The following BICDL1 variants were observed in gnomAD, a reference collection of about 807,000 sequenced individuals.
BICDL1 encodes the protein BICD family-like cargo adapter 1.
A neutral mutation model predicts 76.8 loss-of-function variants in BICDL1; 20 were observed. The observed-to-expected ratio is 0.26, with a 90% confidence interval of 0.18 to 0.38. The LOEUF (loss-of-function observed/expected upper bound fraction) is 0.38, where lower values mean the gene tolerates loss of function less well. BICDL1 is among the 10% of genes least tolerant of loss of function. The pLI, the probability that BICDL1 is intolerant of heterozygous loss-of-function variation, is 1.00. For synonymous variants in BICDL1, 383 were observed against 337.1 expected (o/e 1.14, Z -1.49); for missense variants, 700 against 798.6 (o/e 0.88, Z 1.49).
At chr12:120,082,568 A>T (rs954673844) in intron 8 of BICDL1, among the ~76,000 whole-genome samples, 1 of 147,898 alleles carries the variant, frequency 6.8e-6, no homozygotes, top group Non-Finnish European at 1.5e-5. Context: ...AGGTCTTTTT[A>T]AAAATGTTTT....
chr12:120,066,599 C>T (rs763175828), intron 4 of BICDL1, among the ~76,000 whole-genome samples: 3 of 152,150 alleles, frequency 2.0e-5, no homozygotes, highest in Non-Finnish European at 4.4e-5. Flanking sequence ...TGTTGAACTT[C>T]AAGACTGAGA....
In BICDL1 at chr12:119,990,177, C is replaced by G. The variant is rs1196366288; in HGVS notation, c.309C>G (p.Ile103Met). 5 of 1,554,588 alleles carry G rather than the reference C, an allele frequency of 3.2e-6. No homozygotes were observed. Among genetic ancestry groups the G allele is most frequent in the Middle Eastern group, 1.7e-4 (1 of 5,994 alleles). Residue 103 changes from isoleucine to methionine, a missense_variant, in exon 1 of 10, where the codon ATC becomes ATG. Physicochemically the swap from Ile to Met is conservative, Grantham distance 10. Coordinates refer to ENST00000548673, the MANE Select transcript of BICDL1 (RefSeq NM_001367886.1). The stretch of plus-strand genomic sequence containing the variant: ...AGGACCCCGAGCTGCTGTCGGTGAT[C>G]CGACAGAAGGAGAAGGATCTGGTGT... ...PSQDPELLSV[I>M]RQKEKDLVLA...
At chr12:120,045,553 A>G (rs1299923686) in intron 2 of BICDL1, among the ~76,000 whole-genome samples, 1 of 152,112 alleles carries the variant, frequency 6.6e-6, no homozygotes, top group Non-Finnish European at 1.5e-5. Context: ...GATTAAGAAA[A>G]TGTGGCACAT....
intron 2 of BICDL1, among the ~76,000 whole-genome samples, chr12:120,060,830 T>C (rs1338653626): frequency 6.6e-6 from 1 of 152,208 alleles, no homozygotes; most frequent in East Asian, 1.9e-4. Flanking sequence ...CACTTCAACA[T>C]TATCACCATC....
chr12:120,014,994 C>T (rs1373692871), intron 2 of BICDL1, among the ~76,000 whole-genome samples: 2 of 152,014 alleles, frequency 1.3e-5, no homozygotes, highest in Non-Finnish European at 2.9e-5. Context: ...GGACTTTTAA[C>T]TGTCAGTGGG....
intron 2 of BICDL1, among the ~76,000 whole-genome samples, chr12:120,058,562 C>A (rs1249435757): frequency 2.6e-5 from 4 of 152,012 alleles, no homozygotes; most frequent in African/African-American, 9.6e-5. Context: ...CCTGATGGGC[C>A]AGCCCTACCT....
rs902535168 is a variant in BICDL1 at position 120,039,658 on chromosome 12, A to C, written c.646-22052A>C. ...GTCTCAAAAAAAAAAAAAAAAAAAA[A>C]AAGAAAAGGCTTCATGGAGGATGTA... On this transcript the variant is annotated intron_variant, in intron 2 of 9. Coordinates refer to ENST00000548673, the MANE Select transcript of BICDL1 (RefSeq NM_001367886.1). Among the ~76,000 whole-genome samples, 6 of 151,142 alleles carry C rather than the reference A, an allele frequency of 4.0e-5. No individual in the cohort carries two copies. In the South Asian group the frequency reaches 1.3e-3, roughly 32 times the overall value.
intron 5 of BICDL1, among the ~76,000 whole-genome samples, chr12:120,072,208 C>T (rs1278661573): frequency 6.6e-6 from 1 of 152,148 alleles, no homozygotes; most frequent in Non-Finnish European, 1.5e-5. Context: ...ACCATTCATT[C>T]CCCTGATTGT....
rs766952545 is a variant in BICDL1, at chr12:120,079,920, T to A, written c.1453-967T>A. Among the ~76,000 whole-genome samples the A allele has an allele frequency of 6.6e-5, 10 of 152,222 alleles. No individual in the cohort carries two copies. Among genetic ancestry groups the A allele is most frequent in the Non-Finnish European group, 1.0e-4 (7 of 68,038 alleles). ...GTCACAGGCCCACGCCCAGACTGCC[T>A]GGGAAAGGAAATGTCTATTCCCTGT... On this transcript the variant is annotated intron_variant, in intron 7 of 9. Transcript: ENST00000548673. The surrounding 1 kb of genome is among the most constrained non-coding windows in gnomAD (Gnocchi z 4.3).
At chr12:120,047,710 G>C (rs1952775667) in intron 2 of BICDL1, among the ~76,000 whole-genome samples, 1 of 152,066 alleles carries the variant, frequency 6.6e-6, no homozygotes, top group Non-Finnish European at 1.5e-5. Flanking sequence ...TGAGGAAACT[G>C]AGGTAGAGAG....
intron 6 of BICDL1, among the ~76,000 whole-genome samples, 144 bp from the exon 7 acceptor site, chr12:120,074,287 CCCTACTATCTTT>C (rs1400771457): frequency 1.3e-5 from 2 of 152,076 alleles, no homozygotes; most frequent in African/African-American, 4.8e-5. Flanking sequence ...CCTTCATCTT[CCCTACTATCTTT>C]CCCCACTATC....
chr12:120,033,477 C>T (rs781578177), intron 2 of BICDL1, among the ~76,000 whole-genome samples: 5 of 149,820 alleles, frequency 3.3e-5, no homozygotes, highest in African/African-American at 7.4e-5. Flanking sequence ...CCCGGGTTCA[C>T]GCCATTCTCC....
At chr12:120,076,718 C>G (rs1402365593) in intron 7 of BICDL1, among the ~76,000 whole-genome samples, 2 of 152,196 alleles carry the variant, frequency 1.3e-5, no homozygotes, top group East Asian at 3.8e-4. Context: ...GATGCTCAGT[C>G]AAAGCAGAAA....
chr12:119,990,224 C>T lies in BICDL1; in HGVS notation c.356C>T (p.Ala119Val), dbSNP rs1218595604. ...DLVLAARLGKALLERNQDMSR... is the reference protein window; with the variant it reads ...DLVLAARLGKVLLERNQDMSR... ...GTGTTGGCGGCCCGGCTGGGTAAGG[C>T]GCTGCTCGAGAGGAACCAGGACATG... is the stretch of plus-strand genomic sequence containing the variant. Residue 119 changes from alanine to valine, a missense_variant, in exon 1 of 10, where the codon GCG becomes GTG. Ala to Val is a moderately conservative substitution (Grantham distance 64). This residue lies in a region of BICDL1 where 225 missense variants were observed against 199.6 expected (regional missense o/e 1.13). Transcript: ENST00000548673. 3 of 1,573,352 alleles carry T rather than the reference C, an allele frequency of 1.9e-6. No individual in the cohort carries two copies. The highest frequency in any genetic ancestry group is 2.6e-6 in the Non-Finnish European group (3 of 1,160,418).
At chr12:120,008,052 C>A (rs1951881835) in intron 2 of BICDL1, among the ~76,000 whole-genome samples, 1 of 151,762 alleles carries the variant, frequency 6.6e-6, no homozygotes, top group Admixed American at 6.6e-5. Context: ...AATTTCTCAA[C>A]CAAATAACAG....
chr12:120,061,700 T>C lies in BICDL1; in HGVS notation c.646-10T>C. ...CTCCGAATCAGCTCTGCAGGTCTCCTCTGTTTCAGGCATCAGAAGTTGAGA... is the reference window on the plus strand; with the variant it reads ...CTCCGAATCAGCTCTGCAGGTCTCCCCTGTTTCAGGCATCAGAAGTTGAGA... On this transcript the variant is annotated splice_polypyrimidine_tract_variant and intron_variant, in intron 2 of 9. Coordinates refer to ENST00000548673, the MANE Select transcript of BICDL1 (RefSeq NM_001367886.1). 6.3e-7 allele frequency: 1 copy of C among 1,596,488 alleles called. No homozygotes were observed. The highest frequency in any genetic ancestry group is 2.2e-5 in the East Asian group (1 of 44,810).
Position 120,002,867 on chromosome 12 carries a change from G to A in BICDL1, c.645+4131G>A, listed in dbSNP as rs115328618. On this transcript the variant is annotated intron_variant, in intron 2 of 9. Coordinates refer to ENST00000548673, the MANE Select transcript of BICDL1 (RefSeq NM_001367886.1). Reference sequence around the variant, plus strand: ...AGCTTTTTCTACCTTAGAAAGACTCGGTAGGGGGCCGGGTCATGGTGGCTC... The same window carrying A: ...AGCTTTTTCTACCTTAGAAAGACTCAGTAGGGGGCCGGGTCATGGTGGCTC... Among the ~76,000 whole-genome samples, 1,220 of 152,214 alleles carry A rather than the reference G, an allele frequency of 8.0e-3. 17 individuals carry two copies. The highest frequency in any genetic ancestry group is 0.027 in the African/African-American group (1,111 of 41,530).
chr12:120,086,187 T>A (rs1165948090), intron 8 of BICDL1, among the ~76,000 whole-genome samples: 1 of 152,108 alleles, frequency 6.6e-6, no homozygotes, highest in Non-Finnish European at 1.5e-5. Context: ...GGAGCAAGGG[T>A]CCTGTCCTTC....
intron 1 of BICDL1, among the ~76,000 whole-genome samples, chr12:119,991,233 G>C (rs1323014153): frequency 1.3e-5 from 2 of 152,162 alleles, no homozygotes; most frequent in Non-Finnish European, 2.9e-5. Context: ...ACCTAGTTTG[G>C]TTGCAGCCAG....
Sources: gnomAD v4.1 joint callset for allele counts (sites outside exome capture counted in the v4.1 genomes callset) on GRCh38, gnomAD v4.1.1 for gene constraint, gnomAD v4.1.1 regional missense constraint, Gnocchi (gnomAD v3.1) non-coding constraint, MANE v1.5 for transcripts, NCBI Gene and HGNC (gene_info 2026-07-23, HGNC 2026-07-21) for gene names.